The following NTN1 variants were observed in gnomAD, a reference collection of about 807,000 sequenced individuals.
NTN1 encodes netrin-1.
A neutral mutation model predicts 54.2 loss-of-function variants in NTN1; 11 were observed. The observed-to-expected ratio is 0.20, with a 90% CI of 0.13 to 0.34. NTN1 has a LOEUF of 0.34. NTN1 is among the 10% of genes least tolerant of loss of function. The pLI, the probability that NTN1 is intolerant of heterozygous loss-of-function variation, is 1.00. For synonymous variants in NTN1, 371 were observed against 382.0 expected (o/e 0.97, Z 0.33); for missense variants, 740 against 893.1 (o/e 0.83, Z 2.18).
At chr17:9,230,944 CA>C (rs1343173091) in intron 6 of NTN1, among the ~76,000 whole-genome samples, 6 of 152,086 alleles carry the variant, frequency 3.9e-5, no homozygotes, top group African/African-American at 1.4e-4. Flanking sequence ...TGCCCTTTTA[CA>C]GATGGGGACA....
intron 2 of NTN1, among the ~76,000 whole-genome samples, chr17:9,084,332 A>G (rs1292435469): frequency 6.6e-6 from 1 of 152,228 alleles, no homozygotes; most frequent in Non-Finnish European, 1.5e-5. Flanking sequence ...GAAAAATTCC[A>G]TGAACGTGCA....
At chr17:9,172,411 G>A (rs372752575) in intron 3 of NTN1, among the ~76,000 whole-genome samples, 157 of 152,014 alleles carry the variant, frequency 1.0e-3, no homozygotes, top group African/African-American at 3.3e-3. Flanking sequence ...CCCGGGAGGC[G>A]GAGCTTGCAG....
intron 6 of NTN1, among the ~76,000 whole-genome samples, chr17:9,234,086 G>A (rs111615268): frequency 1.0e-3 from 158 of 152,268 alleles, no homozygotes; most frequent in African/African-American, 3.5e-3. Flanking sequence ...TTGCCTCCTC[G>A]GAGCCACGGC....
intron 2 of NTN1, among the ~76,000 whole-genome samples, chr17:9,050,183 C>T (rs1324525951): frequency 2.0e-5 from 3 of 150,584 alleles, no homozygotes; most frequent in Non-Finnish European, 4.4e-5. Context: ...GGAGGCAGAG[C>T]TTGCAGTGAG....
At chr17:9,070,648 A>G (rs946339248) in intron 2 of NTN1, among the ~76,000 whole-genome samples, 4 of 152,070 alleles carry the variant, frequency 2.6e-5, no homozygotes, top group Admixed American at 6.6e-5. Context: ...CTGGAGTGCA[A>G]TGTTGCGATC....
At chr17:9,065,137 A>G (rs1448688076) in intron 2 of NTN1, among the ~76,000 whole-genome samples, 3 of 152,072 alleles carry the variant, frequency 2.0e-5, no homozygotes, top group Non-Finnish European at 2.9e-5. Flanking sequence ...GTGTTTTACT[A>G]TGTTGACCAG....
At chr17:9,232,984 C>T (rs557466990) in intron 6 of NTN1, among the ~76,000 whole-genome samples, 2 of 152,178 alleles carry the variant, frequency 1.3e-5, no homozygotes, top group African/African-American at 4.8e-5. Context: ...CTATTCTCCC[C>T]CTCATTTGTC....
At chr17:9,178,890 G>C (rs1485288284) in intron 3 of NTN1, 1 of 152,290 alleles carries the variant, frequency 6.6e-6, no homozygotes, top group Admixed American at 6.5e-5. Context: ...ATCTGTGTTG[G>C]TGGGACATCC....
At chr17:9,059,774 G>GGATT (rs1424810761) in intron 2 of NTN1, among the ~76,000 whole-genome samples, 1 of 151,120 alleles carries the variant, frequency 6.6e-6, no homozygotes, top group African/African-American at 2.4e-5. Context: ...AAATGCCACC[G>GGATT]GATTGTCTAT....
intron 3 of NTN1, among the ~76,000 whole-genome samples, chr17:9,164,254 A>C (rs1269262713): frequency 2.6e-5 from 4 of 152,174 alleles, no homozygotes; most frequent in Admixed American, 2.6e-4. Context: ...GTGAAACCCC[A>C]TCTCCACTAA....
In NTN1 at chr17:9,239,779, C is replaced by T. The variant is rs908059360; in HGVS notation, c.1626C>T (p.Ile542=). The change falls in exon 7 of 7, where the codon ATC becomes ATT. Residue 542 remains isoleucine (I), a synonymous_variant. Transcript: ENST00000173229. The surrounding 1 kb of genome is among the most constrained non-coding windows in gnomAD (Gnocchi z 5.2). ...GCCTGTGGATCCGCTCGCGGGACAT[C>T]GCCTGCAAGTGTCCCAAAATCAAGC... ...DQSLWIRSRD[I]ACKCPKIKPL... 3.7e-6 allele frequency: 6 copies of T among 1,613,784 alleles called. No individual in the cohort carries two copies. Among genetic ancestry groups the T allele is most frequent in the South Asian group, 1.1e-5 (1 of 91,066 alleles).
At chr17:9,195,129 G>T (rs930692514) in intron 5 of NTN1, among the ~76,000 whole-genome samples, 3 of 151,164 alleles carry the variant, frequency 2.0e-5, no homozygotes, top group Non-Finnish European at 4.4e-5. Context: ...TCTCCTTTTC[G>T]GGACCTGCAC....
chr17:9,173,303 A>C (rs2092392186), intron 3 of NTN1: 1 of 152,300 alleles, frequency 6.6e-6, no homozygotes, highest in African/African-American at 2.4e-5. Context: ...AGTGGGGAAG[A>C]AATGGGTGCT....
At chr17:9,089,871 A>G (rs1384363848) in intron 2 of NTN1, among the ~76,000 whole-genome samples, 2 of 152,150 alleles carry the variant, frequency 1.3e-5, no homozygotes, top group African/African-American at 2.4e-5. Context: ...GGGACTTGTT[A>G]GAGTGGCCAA....
intron 2 of NTN1, among the ~76,000 whole-genome samples, chr17:9,054,474 C>T (rs2091971824): frequency 6.6e-6 from 1 of 152,134 alleles, no homozygotes; most frequent in Admixed American, 6.5e-5. Context: ...GATTAAAGCC[C>T]CCTGTTTGTT....
At chr17:9,179,770 C>T (rs2092412806) in intron 3 of NTN1, 37 bp from the exon 4 acceptor site, 2 of 1,601,988 alleles carry the variant, frequency 1.2e-6, no homozygotes, top group Non-Finnish European at 8.5e-7. Flanking sequence ...TGGCCGCTTC[C>T]CCCTTGTCTG....
chr17:9,132,735 G>A (rs572180793), intron 2 of NTN1, among the ~76,000 whole-genome samples: 23 of 152,240 alleles, frequency 1.5e-4, no homozygotes, highest in Admixed American at 1.1e-3. Flanking sequence ...TTAGCCAGGT[G>A]CAGTGACACA....
intron 2 of NTN1, among the ~76,000 whole-genome samples, chr17:9,134,586 C>G (rs1428285505): frequency 6.6e-6 from 1 of 152,226 alleles, no homozygotes; most frequent in African/African-American, 2.4e-5. Flanking sequence ...AAAAAGCTTT[C>G]CAAGTAAGTC....
intron 6 of NTN1, among the ~76,000 whole-genome samples, chr17:9,226,975 C>G (rs1339322103): frequency 1.3e-5 from 2 of 152,122 alleles, no homozygotes; most frequent in Non-Finnish European, 2.9e-5. Flanking sequence ...GCCTCACACC[C>G]CACCAAGCCA....
Sources: allele counts gnomAD v4.1 joint callset (sites outside exome capture counted in the v4.1 genomes callset), GRCh38; gene constraint gnomAD v4.1.1; non-coding constraint Gnocchi (gnomAD v3.1); transcripts MANE v1.5; gene names NCBI Gene and HGNC (gene_info 2026-07-23, HGNC 2026-07-21).